Variants in GCNA observed in about 807,000 individuals in gnomAD.
GCNA encodes the protein germ cell nuclear acidic peptidase, also known as germ cell nuclear acidic protein.
GCNA carries 3 observed loss-of-function variants against 38.8 expected under a neutral mutation model. The ratio of observed to expected loss-of-function variants is 0.08; its 90% CI spans 0.04 to 0.20. GCNA has a LOEUF of 0.20. GCNA is among the 10% of genes least tolerant of loss of function. The probability of loss-of-function intolerance (pLI) is 1.00; values close to 1 mark genes in which losing one functional copy is unlikely to be tolerated. For synonymous variants in GCNA, 195 were observed against 240.2 expected (o/e 0.81, Z 1.74); for missense variants, 446 against 578.6 (o/e 0.77, Z 2.35).
chrX:71,612,024 G>A (rs1258514408), intron 11 of GCNA, among the ~76,000 whole-genome samples: 1 of 108,383 alleles, frequency 9.2e-6, no homozygotes, highest in East Asian at 2.9e-4. Context: ...TGTAATCCCA[G>A]CACTTAGGGA....
chrX:71,599,468 G>A (rs2040696753), intron 7 of GCNA, among the ~76,000 whole-genome samples: 1 of 111,521 alleles, frequency 9.0e-6, no homozygotes, highest in African/African-American at 3.3e-5. Flanking sequence ...GTTCACAACC[G>A]GAGGCCACCA....
Position 71,603,647 on chromosome X carries a change from A to G in GCNA, c.370A>G (p.Ser124Gly), listed in dbSNP as rs1257445744. 8.3e-7 allele frequency: 1 copy of G among 1,211,990 alleles called. No homozygotes were observed. Among genetic ancestry groups the G allele is most frequent in the African/African-American group, 1.7e-5 (1 of 57,665 alleles). Residue 124 changes from serine to glycine, a missense_variant, in exon 8 of 13, where the codon AGT becomes GGT. Physicochemically the swap from Ser to Gly is moderately conservative, Grantham distance 56. Coordinates refer to ENST00000373696, the MANE Select transcript of GCNA (RefSeq NM_052957.5). The part of the protein sequence containing the change: ...PAIQEPPIVI[S>G]DDDNDDDNGN... The stretch of plus-strand genomic sequence containing the variant: ...CATCCAGGAACCTCCAATAGTTATT[A>G]GTGATGATGACAATGACGATGACAA...
chrX:71,612,180 A>G (rs1192357703), intron 11 of GCNA, among the ~76,000 whole-genome samples, 175 bp from the exon 12 acceptor site: 9 of 103,444 alleles, frequency 8.7e-5, no homozygotes, highest in Non-Finnish European at 1.6e-4. Context: ...TGGGAGGCTG[A>G]GGCAGGAGAA....
At chrX:71,583,758 C>T (rs1458310880) in intron 2 of GCNA, among the ~76,000 whole-genome samples, 11 of 95,357 alleles carry the variant, frequency 1.2e-4, no homozygotes, top group South Asian at 5.1e-4. Flanking sequence ...AGTGCAGTGG[C>T]GCAATCTTGG....
intron 2 of GCNA, among the ~76,000 whole-genome samples, chrX:71,588,683 T>G (rs1233880474): frequency 3.6e-5 from 4 of 110,241 alleles, no homozygotes; most frequent in Non-Finnish European, 7.6e-5. Flanking sequence ...AAAAATGAGC[T>G]GGGCGTGGTG....
Position 71,597,992 on chromosome X carries a change from C to A in GCNA, c.264C>A (p.His88Gln), listed in dbSNP as rs1262440390. ...ACTCTGATTCTGATGAGGAATGTCACACCCATGAAGAGAAGAAAGCTAAGT... is the reference window on the plus strand; with the variant it reads ...ACTCTGATTCTGATGAGGAATGTCAAACCCATGAAGAGAAGAAAGCTAAGT... The part of the protein sequence containing the change: ...VIDSDSDEEC[H>Q]THEEKKAKLL... The change falls in exon 7 of 13, where the codon CAC becomes CAA. Residue 88 changes from histidine to glutamine, a missense_variant. Physicochemically the swap from His to Gln is conservative, Grantham distance 24 (BLOSUM62 0). This residue lies in a region of GCNA where 118 missense variants were observed against 122.8 expected (regional missense o/e 0.96). Coordinates refer to ENST00000373696, the MANE Select transcript of GCNA (RefSeq NM_052957.5). 2.5e-6 allele frequency: 3 copies of A among 1,210,783 alleles called. No homozygotes were observed. The Admixed American group carries it at 6.5e-5, about 26-fold the overall frequency.
intron 1 of GCNA, among the ~76,000 whole-genome samples, chrX:71,579,278 G>T (rs1297218368): frequency 9.6e-6 from 1 of 104,562 alleles, no homozygotes; most frequent in African/African-American, 3.5e-5. Flanking sequence ...GGGGGGAGGT[G>T]GGGGTGCCAG....
chrX:71,603,539 G>A, intron 7 of GCNA, 49 bp from the exon 8 acceptor site: 1 of 1,166,874 alleles, frequency 8.6e-7, no homozygotes, highest in Non-Finnish European at 1.1e-6. Flanking sequence ...ATATAAAGGA[G>A]GTGGTAGAGG....
At position 71,612,506 on chromosome X, in the gene GCNA, T is replaced by A. The variant is rs1479278889; in HGVS notation, c.1902T>A (p.His634Gln). ...HPELPRVTRC[H>Q]NYKINYKVHY... ...AGCTGCCCAGGGTCACCCGTTGCCA[T>A]AACTATAAGATTAACTACAAGGTCC... is the stretch of plus-strand genomic sequence containing the variant. The change falls in exon 12 of 13, where the codon CAT becomes CAA. Residue 634 changes from histidine to glutamine, a missense_variant. His to Gln is a conservative substitution (Grantham distance 24). Transcript: ENST00000373696. 8.3e-7 allele frequency: 1 copy of A among 1,210,306 alleles called. No individual in the cohort carries two copies.
At chrX:71,586,214 A>G (rs1476691589) in intron 2 of GCNA, among the ~76,000 whole-genome samples, 6 of 108,455 alleles carry the variant, frequency 5.5e-5, no homozygotes, top group Non-Finnish European at 1.1e-4. Flanking sequence ...GGCTTAGAGT[A>G]GGGTGCTACT....
chrX:71,586,782 G>A (rs1259550072), intron 2 of GCNA, among the ~76,000 whole-genome samples: 6 of 111,080 alleles, frequency 5.4e-5, no homozygotes, highest in African/African-American at 2.0e-4. Context: ...GCTAATTTTT[G>A]TATTTTTAGT....
At chrX:71,606,121 G>A (rs767193931) in intron 9 of GCNA, among the ~76,000 whole-genome samples, 57 of 112,729 alleles carry the variant, frequency 5.1e-4, no homozygotes, top group African/African-American at 1.7e-3. Context: ...ATGGCCACCA[G>A]TTTGTGCTAA....
rs1175809051 is a variant in GCNA, at chrX:71,612,478, C to T, written c.1874C>T (p.Pro625Leu). ...YYARKSNRIH[P>L]ELPRVTRCHN... ...GCCAGGAAATCCAACAGGATACACC[C>T]GGAGCTGCCCAGGGTCACCCGTTGC... Residue 625 changes from proline to leucine, a missense_variant, in exon 12 of 13, where the codon CCG (proline) becomes CTG (leucine). Transcript: ENST00000373696. 5 of 1,209,645 alleles carry T rather than the reference C, an allele frequency of 4.1e-6. No homozygotes were observed. Among genetic ancestry groups the T allele is most frequent in the Non-Finnish European group, 5.6e-6 (5 of 894,695 alleles).
At chrX:71,605,624 C>T (rs1445710286) in intron 8 of GCNA, 39 bp from the exon 9 acceptor site, 15 of 1,133,506 alleles carry the variant, frequency 1.3e-5, no homozygotes, top group Admixed American at 7.0e-5. Flanking sequence ...TACCAATTTT[C>T]GGGGTACAAG....
At chrX:71,591,816 C>T (rs2040630926) in intron 2 of GCNA, among the ~76,000 whole-genome samples, 1 of 111,641 alleles carries the variant, frequency 9.0e-6, no homozygotes, top group Admixed American at 9.5e-5. Context: ...TGCTTTCATA[C>T]CTTTAAATGG....
At chrX:71,610,889 C>A in intron 11 of GCNA, 70 bp downstream of exon 11, 1 of 1,177,991 alleles carries the variant, frequency 8.5e-7, no homozygotes, top group Non-Finnish European at 1.1e-6. Flanking sequence ...TGAAATTACT[C>A]CTAGCTGGTA....
At chrX:71,598,408 C>T (rs1401716403) in intron 7 of GCNA, among the ~76,000 whole-genome samples, 2 of 111,836 alleles carry the variant, frequency 1.8e-5, no homozygotes, top group Non-Finnish European at 3.8e-5. Context: ...GTGGGAATGA[C>T]GAGGAAGAGG....
intron 7 of GCNA, among the ~76,000 whole-genome samples, 157 bp downstream of exon 7, chrX:71,598,195 C>CGGGT (rs1466733640): frequency 1.8e-5 from 2 of 111,873 alleles, no homozygotes; most frequent in African/African-American, 6.5e-5. Flanking sequence ...TGGATATGGC[C>CGGGT]GGGTTCCCTA....
chrX:71,588,751 C>T (rs1021342401), intron 2 of GCNA, among the ~76,000 whole-genome samples: 1 of 111,419 alleles, frequency 9.0e-6, no homozygotes, highest in Non-Finnish European at 1.9e-5. Flanking sequence ...CACTTAAACC[C>T]AGGAGGTGGA....
Sources: gnomAD v4.1 joint callset for allele counts (sites outside exome capture counted in the v4.1 genomes callset) on GRCh38, gnomAD v4.1.1 for gene constraint, gnomAD v4.1.1 regional missense constraint, MANE v1.5 for transcripts, NCBI Gene and HGNC (gene_info 2026-07-23, HGNC 2026-07-21) for gene names.